Variants in C1orf146 observed in about 807,000 individuals in gnomAD.
C1orf146 encodes chromosome 1 open reading frame 146.
C1orf146 carries 22 observed loss-of-function variants against 23.0 expected under a neutral mutation model. That is an observed-to-expected ratio of 0.96 (90% CI 0.68 to 1.36). The LOEUF is 1.36. Ranked by LOEUF, C1orf146 falls within the 40% of genes most tolerant of loss-of-function variation. The pLI, the probability that C1orf146 is intolerant of heterozygous loss-of-function variation, is 0.00. For synonymous variants in C1orf146, 59 were observed against 65.3 expected (o/e 0.90, Z 0.47); for missense variants, 199 against 206.8 (o/e 0.96, Z 0.23).
At chr1:92,227,214 T>C (rs567908439) in intron 1 of C1orf146, among the ~76,000 whole-genome samples, 2 of 152,328 alleles carry the variant, frequency 1.3e-5, no homozygotes, top group Admixed American at 1.3e-4. Flanking sequence ...ATCTTTGTGC[T>C]TCCATGTGGG....
At chr1:92,224,190 A>G (rs1651908946) in intron 1 of C1orf146, among the ~76,000 whole-genome samples, 2 of 151,776 alleles carry the variant, frequency 1.3e-5, no homozygotes, top group South Asian at 4.2e-4. Flanking sequence ...AGCTGGGACT[A>G]CAGGCGCCCA....
chr1:92,227,314 G>T (rs1037285388), intron 1 of C1orf146, among the ~76,000 whole-genome samples: 1 of 152,076 alleles, frequency 6.6e-6, no homozygotes, highest in Non-Finnish European at 1.5e-5. Context: ...AGGCCGAGGC[G>T]GGCGGATCAC....
intron 1 of C1orf146, among the ~76,000 whole-genome samples, chr1:92,222,635 G>A (rs1651858059): frequency 7.1e-6 from 1 of 140,600 alleles, no homozygotes; most frequent in Admixed American, 7.7e-5. Flanking sequence ...TGCCCAGGCT[G>A]GAGTGCAGTG....
chr1:92,232,267 A>G (rs951784491), intron 2 of C1orf146, among the ~76,000 whole-genome samples: 3 of 51,228 alleles, frequency 5.9e-5, no homozygotes, highest in Non-Finnish European at 1.1e-4. Flanking sequence ...CCCTCCCCCC[A>G]CCCCACAACA....
In C1orf146 at chr1:92,241,581, C is replaced by T. The variant is rs968040745; in HGVS notation, c.67-631C>T. ...CTCAGCTCACTGCAACCTCCACCTC[C>T]GAGTTCAAGTGATTTTCCTGCCTCA... On this transcript the variant is annotated intron_variant, in intron 2 of 5. Transcript: ENST00000370375. Among the ~76,000 whole-genome samples, 11 of 152,254 alleles carry T rather than the reference C, an allele frequency of 7.2e-5. No individual in the cohort carries two copies. The East Asian group carries it at 1.5e-3, about 21-fold the overall frequency.
At chr1:92,237,210 C>T (rs992283324) in intron 2 of C1orf146, among the ~76,000 whole-genome samples, 5 of 152,138 alleles carry the variant, frequency 3.3e-5, no homozygotes, top group Admixed American at 2.0e-4. Context: ...ATTTTTTCTG[C>T]TCTGTTTTTT....
rs1053792886 is a variant in C1orf146 at position 92,245,224 on chromosome 1, C to G, written c.409-316C>G. 2.6e-5 allele frequency among the ~76,000 whole-genome samples: 4 copies of G among 152,176 alleles called. No homozygotes were observed. In the East Asian group the frequency reaches 7.7e-4, roughly 29 times the overall value. ...ACCAATTGTCTACTTTCTTTTCTTGCTTTTTGTCCTCTGCAAAGTGTGCCC... is the reference window on the plus strand; with the variant it reads ...ACCAATTGTCTACTTTCTTTTCTTGGTTTTTGTCCTCTGCAAAGTGTGCCC... On this transcript the variant is annotated intron_variant, in intron 5 of 5. Coordinates refer to ENST00000370375, the MANE Select transcript of C1orf146 (RefSeq NM_001012425.2).
rs908731126 is a variant in C1orf146 at position 92,233,027 on chromosome 1, A to G, written c.66+1541A>G. On this transcript the variant is annotated intron_variant, in intron 2 of 5. Transcript: ENST00000370375. ...GATATTAGCCCTTTGTCAGATGAGT[A>G]GGTTGTGAAAATTTTCTCCCATTTT... Among the ~76,000 whole-genome samples, 110 of 152,048 alleles carry G rather than the reference A, an allele frequency of 7.2e-4. No individual in the cohort carries two copies. The East Asian group carries it at 0.014, about 19-fold the overall frequency.
intron 2 of C1orf146, among the ~76,000 whole-genome samples, chr1:92,235,983 T>C (rs1652266866): frequency 1.3e-5 from 2 of 152,190 alleles, no homozygotes; most frequent in South Asian, 2.1e-4. Context: ...CTCCATCCTT[T>C]TATTTTGAGC....
Position 92,245,683 on chromosome 1 carries a change from C to T in C1orf146, c.*9C>T. On this transcript the variant is annotated 3_prime_UTR_variant, in exon 6 of 6. Transcript: ENST00000370375. The stretch of plus-strand genomic sequence containing the variant: ...CAGTTAACCCAAATTAGAGTACCAA[C>T]TTAATGTTTTTCTCGAAGAATGTGA... 6.6e-7 allele frequency: 1 copy of T among 1,522,022 alleles called. No individual in the cohort carries two copies. Among genetic ancestry groups the T allele is most frequent in the East Asian group, 2.4e-5 (1 of 41,588 alleles). The allele number at this position is 1,522,022 out of a possible 1,614,324, so 94.3% of individuals were successfully genotyped here.
In C1orf146 at chr1:92,242,236, G is replaced by C; in HGVS notation, c.91G>C (p.Glu31Gln). 6.3e-7 allele frequency: 1 copy of C among 1,599,094 alleles called. No individual in the cohort carries two copies. The highest frequency in any genetic ancestry group is 8.5e-7 in the Non-Finnish European group (1 of 1,171,834). ...LKSYEVATAL[E>Q]NRSHKVRYSD... Reference sequence around the variant, plus strand: ...GAGTTATGAAGTTGCAACTGCCCTAGAAAATCGAAGCCACAAAGTTCGATA... The same window carrying C: ...GAGTTATGAAGTTGCAACTGCCCTACAAAATCGAAGCCACAAAGTTCGATA... The change falls in exon 3 of 6, where the codon GAA becomes CAA. Residue 31 changes from glutamate to glutamine, a missense_variant. By Grantham distance (29) the Glu-to-Gln change is conservative. Transcript: ENST00000370375.
intron 1 of C1orf146, among the ~76,000 whole-genome samples, chr1:92,224,678 ATTCT>A (rs758683147): frequency 4.6e-5 from 7 of 152,116 alleles, no homozygotes; most frequent in African/African-American, 1.4e-4. Context: ...TGTTTTCTTT[ATTCT>A]TTCTATTTTT....
At chr1:92,231,924 C>T (rs567034638) in intron 2 of C1orf146, among the ~76,000 whole-genome samples, 1 of 152,120 alleles carries the variant, frequency 6.6e-6, no homozygotes, top group Admixed American at 6.6e-5. Context: ...AGGTGGTCAG[C>T]TCACAACCGT....
chr1:92,230,612 T>C (rs1231922765), intron 1 of C1orf146, among the ~76,000 whole-genome samples: 2 of 144,692 alleles, frequency 1.4e-5, no homozygotes, highest in Non-Finnish European at 3.0e-5. Context: ...CAAGATTCCG[T>C]CTCAAAAAAA....
rs926801681 is a variant in C1orf146 at position 92,220,344 on chromosome 1, A to G, written c.-40+2296A>G. On this transcript the variant is annotated intron_variant, in intron 1 of 5. Coordinates refer to ENST00000370375, the MANE Select transcript of C1orf146 (RefSeq NM_001012425.2). Reference sequence around the variant, plus strand: ...TGTGTACTAATCTGGGTATATACACATACAGTCATGCATTGCTTAATGATG... The same window carrying G: ...TGTGTACTAATCTGGGTATATACACGTACAGTCATGCATTGCTTAATGATG... 5.9e-5 allele frequency among the ~76,000 whole-genome samples: 9 copies of G among 152,316 alleles called. No individual in the cohort carries two copies. In the South Asian group the frequency reaches 6.2e-4, roughly 11 times the overall value.
At chr1:92,218,313 C>G (rs1038979205) in intron 1 of C1orf146, among the ~76,000 whole-genome samples, 1 of 152,062 alleles carries the variant, frequency 6.6e-6, no homozygotes, top group South Asian at 2.1e-4. Flanking sequence ...CTTTGTTGGT[C>G]ACTCCGAAAA....
At chr1:92,223,917 C>T in intron 1 of C1orf146, among the ~76,000 whole-genome samples, 1 of 151,964 alleles carries the variant, frequency 6.6e-6, no homozygotes. Context: ...CTTCCAGTCT[C>T]TAGCTTGTCT....
Position 92,244,274 on chromosome 1 carries a change from T to A in C1orf146, c.218T>A (p.Phe73Tyr). 6.2e-7 allele frequency: 1 copy of A among 1,609,836 alleles called. No homozygotes were observed. Among genetic ancestry groups the A allele is most frequent in the Non-Finnish European group, 8.5e-7 (1 of 1,177,010 alleles). The change falls in exon 4 of 6, where the codon TTT (phenylalanine) becomes TAT (tyrosine). Residue 73 changes from phenylalanine (F) to tyrosine (Y), a missense_variant. By Grantham distance (22) the Phe-to-Tyr change is conservative (BLOSUM62 3). Coordinates refer to ENST00000370375, the MANE Select transcript of C1orf146 (RefSeq NM_001012425.2). ...KECLLSTEEI[F>Y]LAKIEKFINI... The stretch of plus-strand genomic sequence containing the variant: ...TGTCTTCTGTCAACTGAAGAAATAT[T>A]TCTAGCCAAAATTGAGAAATTTATT...
Position 92,245,630 on chromosome 1 carries a change from C to T in C1orf146, c.499C>T (p.Leu167Phe). 3 of 1,598,216 alleles carry T rather than the reference C, an allele frequency of 1.9e-6. No individual in the cohort carries two copies. The highest frequency in any genetic ancestry group is 1.7e-6 in the Non-Finnish European group (2 of 1,174,306). Residue 167 changes from leucine to phenylalanine, a missense_variant, in exon 6 of 6, where the codon CTT (leucine) becomes TTT (phenylalanine). Physicochemically the swap from Leu to Phe is conservative, Grantham distance 22. Coordinates refer to ENST00000370375, the MANE Select transcript of C1orf146 (RefSeq NM_001012425.2). ...IIEQSPVWKT[L>F]QKIKLNSDSV... The stretch of plus-strand genomic sequence containing the variant: ...TGAGCAAAGTCCTGTTTGGAAAACA[C>T]TTCAGAAGATAAAACTGAATAGTGA...
Sources: allele counts gnomAD v4.1 joint callset (sites outside exome capture counted in the v4.1 genomes callset), GRCh38; gene constraint gnomAD v4.1.1; transcripts MANE v1.5; gene names NCBI Gene and HGNC (gene_info 2026-07-23, HGNC 2026-07-21).